RARB: variants seen among roughly 807,000 people sequenced by gnomAD.
RARB encodes retinoic acid receptor beta.
A neutral mutation model predicts 51.9 loss-of-function variants in RARB; 17 were observed. The observed-to-expected ratio is 0.33, with a 90% CI of 0.22 to 0.49. The LOEUF is 0.49. Among genes scored for constraint, RARB ranks in the 20% least tolerant of loss-of-function variants. The pLI is 0.99. For missense variants in RARB, 369 were observed against 550.8 expected (o/e 0.67, Z 3.30); for synonymous variants, 215 against 195.4 (o/e 1.10, Z -0.84).
chr3:25,591,089 C>T (rs1203315788), intron 5 of RARB, among the ~76,000 whole-genome samples: 1 of 152,158 alleles, frequency 6.6e-6, no homozygotes, highest in Admixed American at 6.5e-5. Flanking sequence ...AATGGCTGGG[C>T]TAGCTCAGAA....
At chr3:25,123,616 C>T (rs1383405167) in intron 3 of RARB, among the ~76,000 whole-genome samples, 5 of 152,164 alleles carry the variant, frequency 3.3e-5, no homozygotes, top group Non-Finnish European at 1.5e-5. Context: ...TCCTCATTCC[C>T]TTATGTTTCT....
chr3:25,190,449 A>T (rs1478968056), intron 5 of RARB, among the ~76,000 whole-genome samples: 5 of 152,112 alleles, frequency 3.3e-5, no homozygotes, highest in Non-Finnish European at 7.4e-5. Context: ...AAGTATTTCT[A>T]ATCTTACTGT....
chr3:25,401,710 G>T (rs1256226173), intron 5 of RARB, among the ~76,000 whole-genome samples: 1 of 152,150 alleles, frequency 6.6e-6, no homozygotes. Flanking sequence ...AAAGTATTCA[G>T]ACGGAAGCAC....
chr3:24,867,939 G>A lies in RARB; in HGVS notation c.-380+9187G>A, dbSNP rs192502737. 2.0e-3 allele frequency among the ~76,000 whole-genome samples: 309 copies of A among 152,270 alleles called. 1 individual carries two copies. Among genetic ancestry groups the A allele is most frequent in the African/African-American group, 7.0e-3 (293 of 41,570 alleles). Reference sequence around the variant, plus strand: ...CGACTGTGAAATGATTCCCCATTGAGATAAAAGTGCTCACTGAGATAACAG... The same window carrying A: ...CGACTGTGAAATGATTCCCCATTGAAATAAAAGTGCTCACTGAGATAACAG... On this transcript the variant is annotated intron_variant, in intron 2 of 11. Transcript: ENST00000383772.
intron 4 of RARB, among the ~76,000 whole-genome samples, chr3:25,169,401 T>C (rs561127435): frequency 6.6e-6 from 1 of 152,210 alleles, no homozygotes; most frequent in Admixed American, 6.5e-5. Flanking sequence ...CCAGACAAAA[T>C]TGCTGGAGAC....
At chr3:25,305,219 C>A (rs1439609232) in intron 5 of RARB, among the ~76,000 whole-genome samples, 1 of 151,946 alleles carries the variant, frequency 6.6e-6, no homozygotes, top group Non-Finnish European at 1.5e-5. Context: ...TATTTGTTTT[C>A]TTCTGTTTGC....
At chr3:25,334,276 C>A (rs991799787) in intron 5 of RARB, among the ~76,000 whole-genome samples, 1 of 152,260 alleles carries the variant, frequency 6.6e-6, no homozygotes, top group Non-Finnish European at 1.5e-5. Flanking sequence ...TTGGAACCAA[C>A]CCACATGTCC....
intron 5 of RARB, among the ~76,000 whole-genome samples, chr3:25,176,342 C>CTTTCTTTCTTTCT (rs1700747733): frequency 1.9e-5 from 1 of 52,432 alleles, no homozygotes; most frequent in African/African-American, 6.2e-5. Flanking sequence ...TCTTTCCTTC[C>CTTTCTTTCTTTCT]TTCCTTCCTT....
At chr3:25,361,724 T>C (rs1019158628) in intron 5 of RARB, among the ~76,000 whole-genome samples, 2 of 152,242 alleles carry the variant, frequency 1.3e-5, no homozygotes, top group Non-Finnish European at 2.9e-5. Context: ...GTTTTCTTTC[T>C]ACCAGTCGGT....
chr3:25,108,982 C>T (rs1004029273), intron 3 of RARB, among the ~76,000 whole-genome samples: 1 of 152,094 alleles, frequency 6.6e-6, no homozygotes. Context: ...GCTTGGGAGT[C>T]ATTCAGACCA....
At chr3:25,041,345 G>A (rs746731264) in intron 2 of RARB, among the ~76,000 whole-genome samples, 15 of 151,884 alleles carry the variant, frequency 9.9e-5, no homozygotes, top group Admixed American at 2.0e-4. Context: ...CAAGGTTGCC[G>A]TTTAATATTT....
At chr3:24,919,327 G>C (rs1307763171) in intron 2 of RARB, among the ~76,000 whole-genome samples, 2 of 152,146 alleles carry the variant, frequency 1.3e-5, no homozygotes, top group Non-Finnish European at 2.9e-5. Context: ...TTACGTATGT[G>C]AAGTTCGGCC....
At chr3:25,340,507 C>G (rs1333049559) in intron 5 of RARB, among the ~76,000 whole-genome samples, 2 of 152,128 alleles carry the variant, frequency 1.3e-5, no homozygotes, top group Non-Finnish European at 2.9e-5. Flanking sequence ...TCTTATGCCT[C>G]TGGTTTTATT....
chr3:25,289,352 G>T (rs1288023788), intron 5 of RARB, among the ~76,000 whole-genome samples: 1 of 152,166 alleles, frequency 6.6e-6, no homozygotes. Context: ...ATTAACAAGG[G>T]GCTATCCAAG....
At chr3:25,228,907 G>A (rs941561796) in intron 5 of RARB, among the ~76,000 whole-genome samples, 3 of 152,086 alleles carry the variant, frequency 2.0e-5, no homozygotes, top group Non-Finnish European at 4.4e-5. Context: ...TCACCAAGTT[G>A]CAATTTGTTT....
At chr3:25,543,212 C>G (rs1221904144) in intron 3 of RARB, among the ~76,000 whole-genome samples, 1 of 152,074 alleles carries the variant, frequency 6.6e-6, no homozygotes, top group Non-Finnish European at 1.5e-5. Context: ...TTGGGACCAC[C>G]TAAAGTATCC....
chr3:25,131,147 G>C (rs1215770324), intron 3 of RARB, among the ~76,000 whole-genome samples: 1 of 151,792 alleles, frequency 6.6e-6, no homozygotes. Context: ...GAGATCTTAG[G>C]ACATGCCCAG....
At chr3:25,518,740 G>T (rs1435703) in intron 3 of RARB, among the ~76,000 whole-genome samples, 22,014 of 151,928 alleles carry the variant, frequency 0.14, 3,207 homozygotes, top group African/African-American at 0.38. Flanking sequence ...TGTTTGATTT[G>T]CCCTTTTAAA....
At chr3:25,435,149 T>G (rs1232277948) in intron 1 of RARB, among the ~76,000 whole-genome samples, 1 of 151,694 alleles carries the variant, frequency 6.6e-6, no homozygotes, top group Non-Finnish European at 1.5e-5. Flanking sequence ...GTTTCAGTGT[T>G]TGACAAAGAA....
Sources: gnomAD v4.1 joint callset for allele counts (sites outside exome capture counted in the v4.1 genomes callset) on GRCh38, gnomAD v4.1.1 for gene constraint, MANE v1.5 for transcripts, NCBI Gene and HGNC (gene_info 2026-07-23, HGNC 2026-07-21) for gene names.